GYPB: variants seen among roughly 807,000 people sequenced by gnomAD.
GYPB encodes glycophorin B (MNS blood group).
A neutral mutation model predicts 15.3 loss-of-function variants in GYPB; 13 were observed. That is an observed-to-expected ratio of 0.85 (90% confidence interval 0.55 to 1.35). GYPB has a LOEUF of 1.35. GYPB is among the 40% of genes most tolerant of loss of function. The pLI is 0.00. For missense variants in GYPB, 131 were observed against 108.3 expected, an observed-to-expected ratio of 1.21 and a Z score of -0.93; for synonymous variants, 38 against 36.9, an observed-to-expected ratio of 1.03 and a Z score of -0.11.
chr4:144,012,953 G>C (rs945167559), intron 1 of GYPB, among the ~76,000 whole-genome samples: 4 of 151,410 alleles, frequency 2.6e-5, no homozygotes, highest in African/African-American at 9.8e-5. Flanking sequence ...AAAATAAATT[G>C]GACTTGAAAA....
intron 1 of GYPB, among the ~76,000 whole-genome samples, chr4:144,016,383 C>T (rs1174315177): frequency 6.7e-6 from 1 of 149,604 alleles, no homozygotes; most frequent in East Asian, 1.9e-4. Context: ...CTCTCTCTCT[C>T]CCTCCTCTCT....
At chr4:144,004,305 T>C (rs1394511402) in intron 1 of GYPB, among the ~76,000 whole-genome samples, 1 of 151,904 alleles carries the variant, frequency 6.6e-6, no homozygotes, top group Non-Finnish European at 1.5e-5. Context: ...ATGATCTTTT[T>C]CATAGTTCAT....
At chr4:143,996,835 G>A (rs1383924396) in intron 4 of GYPB, among the ~76,000 whole-genome samples, 2 of 150,890 alleles carry the variant, frequency 1.3e-5, no homozygotes, top group African/African-American at 5.0e-5. Context: ...ATTCATGGGT[G>A]GAAATTTGTA....
At chr4:144,018,422 G>A (rs559335122) in intron 1 of GYPB, among the ~76,000 whole-genome samples, 31 of 150,822 alleles carry the variant, frequency 2.1e-4, no homozygotes, top group African/African-American at 2.0e-4. Context: ...TGATACTTGC[G>A]CTCACTTGGG....
rs28525297 is a variant in GYPB at position 144,008,771 on chromosome 4, A to G, written c.38-7488T>C. On this transcript the variant is annotated intron_variant, in intron 1 of 4. Coordinates refer to ENST00000502664, the MANE Select transcript of GYPB (RefSeq NM_002100.6). ...TGGTACTTCCTTTCACTGGTTGAAC[A>G]ATACAAAATTGCAGAAATGAAACTA... Among the ~76,000 whole-genome samples, 118 of 151,638 alleles carry G rather than the reference A, an allele frequency of 7.8e-4. 15 individuals carry two copies. The highest frequency in any genetic ancestry group is 2.8e-3 in the African/African-American group (116 of 40,896).
At chr4:144,008,022 C>G (rs1728014091) in intron 1 of GYPB, among the ~76,000 whole-genome samples, 1 of 151,470 alleles carries the variant, frequency 6.6e-6, no homozygotes, top group Non-Finnish European at 1.5e-5. Context: ...GTAGTTAACA[C>G]TTACTGCACA....
rs1727326781 is a variant in GYPB, at chr4:143,996,644, C to G, written c.271-340G>C. On this transcript the variant is annotated intron_variant, in intron 4 of 4. Transcript: ENST00000502664. The stretch of plus-strand genomic sequence containing the variant: ...AATTAGTCAGGCATGGTAGCCCGCA[C>G]CTGTAGTCCCAATTACTGTGGAGGC... 4.7e-5 allele frequency among the ~76,000 whole-genome samples: 7 copies of G among 150,232 alleles called. 1 individual carries two copies. In the South Asian group the frequency reaches 1.0e-3, roughly 22 times the overall value.
Position 144,000,775 on chromosome 4 carries a change from C to T in GYPB, c.136+410G>A, listed in dbSNP as rs556318475. 2.6e-5 allele frequency among the ~76,000 whole-genome samples: 4 copies of T among 151,084 alleles called. No homozygotes were observed. In the East Asian group the frequency reaches 5.8e-4, roughly 22 times the overall value. ...GAGATAAGTACTGTGTTATTGGCCC[C>T]ATTTTAAAATTAATGGGATAGAAAC... is the stretch of plus-strand genomic sequence containing the variant. On this transcript the variant is annotated intron_variant, in intron 2 of 4. Transcript: ENST00000502664.
At chr4:143,996,562 T>A (rs1485964258) in intron 4 of GYPB, among the ~76,000 whole-genome samples, 1 of 150,764 alleles carries the variant, frequency 6.6e-6, no homozygotes, top group Admixed American at 6.6e-5. Context: ...GTCAGGAGTT[T>A]GAAACCAGCC....
In GYPB at chr4:144,001,175, GA is replaced by G; in HGVS notation, c.136+9del. 4 of 1,612,718 alleles carry G rather than the reference GA, an allele frequency of 2.5e-6. No individual in the cohort carries two copies. The highest frequency in any genetic ancestry group is 3.4e-6 in the Non-Finnish European group (4 of 1,179,782). On this transcript the variant is annotated intron_variant, in intron 2 of 4. Coordinates refer to ENST00000502664, the MANE Select transcript of GYPB (RefSeq NM_002100.6). ...GGAGCCACAATTTAAAAATAAAAAT[GA>G]AAACAAACCATTTGTCTGTGATGAG... is the stretch of plus-strand genomic sequence containing the variant.
At chr4:144,013,694 T>C (rs1728337667) in intron 1 of GYPB, among the ~76,000 whole-genome samples, 1 of 137,724 alleles carries the variant, frequency 7.3e-6, no homozygotes, top group African/African-American at 2.8e-5. Flanking sequence ...CCGCATATTC[T>C]CACTCATAGG....
At chr4:144,002,943 C>T (rs1265894092) in intron 1 of GYPB, among the ~76,000 whole-genome samples, 1 of 150,988 alleles carries the variant, frequency 6.6e-6, no homozygotes, top group African/African-American at 2.5e-5. Flanking sequence ...TAAACGATTG[C>T]CATATGAATT....
Position 143,996,309 on chromosome 4 carries a change from GA to G in GYPB, c.271-6del. The G allele has an allele frequency of 1.3e-6, 2 of 1,550,800 alleles. No individual in the cohort carries two copies. The highest frequency in any genetic ancestry group is 1.7e-6 in the Non-Finnish European group (2 of 1,147,186). On this transcript the variant is annotated splice_polypyrimidine_tract_variant and splice_region_variant and intron_variant, in intron 4 of 4. Coordinates refer to ENST00000502664, the MANE Select transcript of GYPB (RefSeq NM_002100.6). Reference sequence around the variant, plus strand: ...ATGCAGGCCACATCCTCATGCCTGTGATAAAAAGACAAGAAGTTTCCACTTC... The same window carrying G: ...ATGCAGGCCACATCCTCATGCCTGTGTAAAAAGACAAGAAGTTTCCACTTC...
chr4:143,999,597 A>G lies in GYPB; in HGVS notation c.137-148T>C. The stretch of plus-strand genomic sequence containing the variant: ...CAACTTTCAACATCTAGCTAGTAAC[A>G]TTTATGAGGTAATGTGTCAGTCTTA... On this transcript the variant is annotated intron_variant, in intron 2 of 4. Transcript: ENST00000502664. The G allele has an allele frequency of 6.7e-6, 4 of 593,546 alleles. No homozygotes were observed. In the South Asian group the frequency reaches 8.3e-5, roughly 12 times the overall value. 36.8% of individuals were successfully genotyped at this position (593,546 alleles called of 1,614,324 possible). A position where few individuals can be genotyped will look rare whatever the true frequency, so the allele number is the denominator to read the frequency against.
In GYPB at chr4:143,996,301, AT is replaced by A. The variant is rs1292315199; in HGVS notation, c.273del (p.Ter92GlufsTer12). ...CAGGCAGCATGCAGGCCACATCCTC[AT>A]GCCTGTGATAAAAAGACAAGAAGTT... ...ISYSIRRLIKA is the reference protein window; with the variant it reads ...ISYSIRRLIKX On this transcript the variant is annotated frameshift_variant and splice_region_variant, in exon 5 of 5. Coordinates refer to ENST00000502664, the MANE Select transcript of GYPB (RefSeq NM_002100.6). LOFTEE classifies it high-confidence loss of function. The A allele has an allele frequency of 2.6e-6, 4 of 1,550,744 alleles. No individual in the cohort carries two copies. The highest frequency in any genetic ancestry group is 2.8e-5 in the African/African-American group (2 of 71,826).
chr4:144,019,379 T>C lies in GYPB; in HGVS notation c.-92A>G. ...GTGTCTGGCCTTAGCCTACTAGCTG[T>C]TATCTTCCAGGCCCACCTTCCTGCG... On this transcript the variant is annotated 5_prime_UTR_variant, in exon 1 of 5. Coordinates refer to ENST00000502664, the MANE Select transcript of GYPB (RefSeq NM_002100.6). 6.2e-7 allele frequency: 1 copy of C among 1,606,744 alleles called. No individual in the cohort carries two copies. Among genetic ancestry groups the C allele is most frequent in the Non-Finnish European group, 8.5e-7 (1 of 1,177,150 alleles).
chr4:144,017,579 C>CT (rs1728571910), intron 1 of GYPB, among the ~76,000 whole-genome samples: 1 of 150,864 alleles, frequency 6.6e-6, no homozygotes, highest in South Asian at 2.1e-4. Context: ...CCATTTAAGG[C>CT]TTTAATTCAC....
At chr4:144,012,864 C>T (rs1217586143) in intron 1 of GYPB, 3 of 151,232 alleles carry the variant, frequency 2.0e-5, no homozygotes, top group Non-Finnish European at 4.4e-5. Flanking sequence ...TAGAAGAAAA[C>T]ATAGGGAGAA....
rs115667186 is a variant in GYPB at position 144,001,350 on chromosome 4, A to G, written c.38-67T>C. Reference sequence around the variant, plus strand: ...GACTGAGCAGACCATAAAGCATATCACAAAAGACAAATTCCTCTCACATCC... The same window carrying G: ...GACTGAGCAGACCATAAAGCATATCGCAAAAGACAAATTCCTCTCACATCC... On this transcript the variant is annotated intron_variant, in intron 1 of 4. Transcript: ENST00000502664. The G allele has an allele frequency of 2.2e-3, 3,473 of 1,610,880 alleles. 241 individuals carry two copies. The African/African-American group carries it at 0.042, about 20-fold the overall frequency.
Sources: gnomAD v4.1 joint callset for allele counts (sites outside exome capture counted in the v4.1 genomes callset) on GRCh38, gnomAD v4.1.1 for gene constraint, MANE v1.5 for transcripts, NCBI Gene and HGNC (gene_info 2026-07-23, HGNC 2026-07-21) for gene names.